PACC1: variants seen among roughly 807,000 people sequenced by gnomAD.
The protein encoded by PACC1 is proton-activated chloride channel.
In PACC1, 34 loss-of-function variants were observed where a neutral mutation model predicts 39.7. That is an observed-to-expected ratio of 0.86 (90% CI 0.65 to 1.14). The LOEUF is 1.14. Among genes scored for constraint, PACC1 ranks in the 50% most tolerant of loss-of-function variants. PACC1 has a pLI of 0.00. For synonymous variants in PACC1, 127 were observed against 160.6 expected (o/e 0.79, Z 1.58); for missense variants, 379 against 436.4 (o/e 0.87, Z 1.17).
chr1:212,407,256 G>T (rs1661952362), intron 2 of PACC1, among the ~76,000 whole-genome samples: 1 of 152,206 alleles, frequency 6.6e-6, no homozygotes, highest in Admixed American at 6.5e-5. Context: ...GCCACTGCTG[G>T]TTTTGAAGCT....
intron 2 of PACC1, among the ~76,000 whole-genome samples, chr1:212,402,987 A>AT (rs1345581402): frequency 7.9e-5 from 12 of 152,084 alleles, no homozygotes; most frequent in African/African-American, 2.2e-4. Flanking sequence ...TAATCTATGA[A>AT]TTTTTTCTTT....
chr1:212,368,023 CAG>C (rs1286047890), intron 7 of PACC1, among the ~76,000 whole-genome samples: 1 of 152,122 alleles, frequency 6.6e-6, no homozygotes, highest in African/African-American at 2.4e-5. Context: ...CCAGGCAACT[CAG>C]AGCAGAGAGA....
chr1:212,383,897 C>T (rs970167295), intron 4 of PACC1, among the ~76,000 whole-genome samples: 1 of 152,142 alleles, frequency 6.6e-6, no homozygotes, highest in African/African-American at 2.4e-5. Context: ...AGAATGGTTC[C>T]AGGGTCTTTT....
In PACC1 at chr1:212,396,564, C is replaced by T. The variant is rs192973202; in HGVS notation, c.134-9464G>A. ...ACAAACCTGCATTGCGCACATGTAC[C>T]CTAGAACTTAAAGTATAATAAAAAT... On this transcript the variant is annotated intron_variant, in intron 2 of 7. Coordinates refer to ENST00000261455, the MANE Select transcript of PACC1 (RefSeq NM_018252.3). Among the ~76,000 whole-genome samples the T allele has an allele frequency of 1.2e-4, 18 of 150,516 alleles. No individual in the cohort carries two copies. In the East Asian group the frequency reaches 2.9e-3, roughly 24 times the overall value.
At chr1:212,409,005 A>G (rs1393187721) in intron 2 of PACC1, among the ~76,000 whole-genome samples, 2 of 152,236 alleles carry the variant, frequency 1.3e-5, no homozygotes, top group Non-Finnish European at 2.9e-5. Context: ...GATCAGCTGC[A>G]GCATTAGATT....
At chr1:212,391,592 G>A (rs1033605489) in intron 2 of PACC1, among the ~76,000 whole-genome samples, 1 of 152,238 alleles carries the variant, frequency 6.6e-6, no homozygotes, top group Non-Finnish European at 1.5e-5. Context: ...GCTGGACAGA[G>A]AATGACTTTG....
At chr1:212,374,644 A>C (rs1660580957) in intron 7 of PACC1, among the ~76,000 whole-genome samples, 1 of 152,240 alleles carries the variant, frequency 6.6e-6, no homozygotes, top group African/African-American at 2.4e-5. Context: ...ATTTATCAAA[A>C]TATTACATGT....
In PACC1 at chr1:212,364,407, C is replaced by T. The variant is rs1004526240; in HGVS notation, c.*808G>A. ...TCCAGACTCATACTACCTTTTTGTC[C>T]TTGGAAGTCACCAAATGAAAGTAAT... On this transcript the variant is annotated 3_prime_UTR_variant, in exon 8 of 8. Coordinates refer to ENST00000261455, the MANE Select transcript of PACC1 (RefSeq NM_018252.3). The T allele has an allele frequency of 1.3e-5, 2 of 152,144 alleles. No homozygotes were observed. The highest frequency in any genetic ancestry group is 4.8e-5 in the African/African-American group (2 of 41,414). The allele number at this position is 152,144 out of a possible 1,614,324, so 9.4% of individuals were successfully genotyped here.
intron 5 of PACC1, among the ~76,000 whole-genome samples, chr1:212,378,922 G>T (rs1180824055): frequency 6.6e-6 from 1 of 151,582 alleles, no homozygotes; most frequent in African/African-American, 2.4e-5. Flanking sequence ...TGAATGAATA[G>T]TAAGTATATT....
chr1:212,395,642 T>G (rs952386391), intron 2 of PACC1, among the ~76,000 whole-genome samples: 25 of 152,044 alleles, frequency 1.6e-4, no homozygotes, highest in South Asian at 4.2e-4. Context: ...CCATCAGAGT[T>G]AACAGGCAAC....
chr1:212,390,207 A>C (rs1251706204), intron 2 of PACC1, among the ~76,000 whole-genome samples: 1 of 151,862 alleles, frequency 6.6e-6, no homozygotes, highest in Non-Finnish European at 1.5e-5. Context: ...GGCGGATCAC[A>C]AGGTCAAGAG....
chr1:212,394,277 T>G (rs1303165717), intron 2 of PACC1, among the ~76,000 whole-genome samples: 1 of 152,174 alleles, frequency 6.6e-6, no homozygotes, highest in Non-Finnish European at 1.5e-5. Flanking sequence ...GCAAGGCTGG[T>G]TCAACATATG....
intron 2 of PACC1, among the ~76,000 whole-genome samples, chr1:212,390,889 G>A (rs905565456): frequency 6.6e-6 from 1 of 152,230 alleles, no homozygotes; most frequent in African/African-American, 2.4e-5. Context: ...CAGTGAGGCT[G>A]GGGGAGGGGC....
chr1:212,379,002 G>C (rs1660771820), intron 5 of PACC1, among the ~76,000 whole-genome samples: 2 of 150,278 alleles, frequency 1.3e-5, no homozygotes, highest in South Asian at 4.2e-4. Context: ...GGAGTGCAGT[G>C]GCGCAATCTC....
intron 1 of PACC1, among the ~76,000 whole-genome samples, chr1:212,410,941 C>T (rs777968482): frequency 1.2e-4 from 18 of 152,186 alleles, no homozygotes; most frequent in African/African-American, 4.3e-4. Flanking sequence ...AATCTCCACT[C>T]TCCGCTGCCA....
chr1:212,413,374 G>A (rs968880867), intron 1 of PACC1, among the ~76,000 whole-genome samples: 6 of 152,178 alleles, frequency 3.9e-5, no homozygotes, highest in Non-Finnish European at 8.8e-5. Context: ...CTGTGAATCA[G>A]TCTTTTACAA....
intron 7 of PACC1, among the ~76,000 whole-genome samples, chr1:212,373,361 T>TAGATTAC (rs71137744): frequency 6.6e-6 from 1 of 151,366 alleles, no homozygotes; most frequent in Non-Finnish European, 1.5e-5. Flanking sequence ...CCACTCAAAA[T>TAGATTAC]AGACTCAAAT....
chr1:212,408,394 CTT>C (rs1159172306), intron 2 of PACC1, among the ~76,000 whole-genome samples: 1 of 151,438 alleles, frequency 6.6e-6, no homozygotes, highest in Non-Finnish European at 1.5e-5. Context: ...GAGTCTCACT[CTT>C]GTCACCCAGG....
intron 2 of PACC1, among the ~76,000 whole-genome samples, chr1:212,399,741 A>G (rs1001894774): frequency 4.6e-5 from 7 of 152,018 alleles, no homozygotes; most frequent in Non-Finnish European, 1.0e-4. Context: ...ATGGGGTTTC[A>G]CCATGTCACC....
Sources: allele counts gnomAD v4.1 joint callset (sites outside exome capture counted in the v4.1 genomes callset), GRCh38; gene constraint gnomAD v4.1.1; transcripts MANE v1.5; gene names NCBI Gene and HGNC (gene_info 2026-07-23, HGNC 2026-07-21).